The following SLIT1 variants were observed in gnomAD, a reference collection of about 807,000 sequenced individuals.
SLIT1 encodes slit homolog 1 protein.
A neutral mutation model predicts 186.1 loss-of-function variants in SLIT1; 66 were observed. The ratio of observed to expected loss-of-function variants is 0.35; its 90% CI spans 0.29 to 0.44. The LOEUF (loss-of-function observed/expected upper bound fraction) is 0.44. SLIT1 is among the 20% of genes least tolerant of loss of function. The probability of loss-of-function intolerance (pLI) is 1.00; values close to 1 mark genes in which losing one functional copy is unlikely to be tolerated. For missense variants in SLIT1, 1,638 were observed against 2,037.4 expected (o/e 0.80, Z 3.77); for synonymous variants, 761 against 833.8 (o/e 0.91, Z 1.50).
At chr10:97,034,347 C>T (rs773763759) in intron 23 of SLIT1, 124 bp downstream of exon 23, 9 of 749,256 alleles carry the variant, frequency 1.2e-5, no homozygotes, top group Non-Finnish European at 2.2e-5. Context: ...AGGCCCGGCA[C>T]CCTCTCCAGA....
intron 4 of SLIT1, among the ~76,000 whole-genome samples, chr10:97,139,178 TG>T (rs544216062): frequency 6.6e-6 from 1 of 152,326 alleles, no homozygotes; most frequent in South Asian, 2.1e-4. Flanking sequence ...GGCAGCAGGC[TG>T]GGGGCCATCT....
At position 97,087,692 on chromosome 10, in the gene SLIT1, G is replaced by C. The variant is rs111940933; in HGVS notation, c.414-21606C>G. On this transcript the variant is annotated intron_variant, in intron 4 of 36. Coordinates refer to ENST00000266058, the MANE Select transcript of SLIT1 (RefSeq NM_003061.3). ...TCTCGGCTCCTGTCCTGAGTATCTA[G>C]GGGGTAGTAACATCCCTAGATCTGA... Among the ~76,000 whole-genome samples the C allele has an allele frequency of 7.5e-4, 114 of 152,218 alleles. 1 individual carries two copies. Among genetic ancestry groups the C allele is most frequent in the African/African-American group, 2.7e-3 (111 of 41,530 alleles).
intron 3 of SLIT1, 34 bp downstream of exon 3, chr10:97,163,346 C>T (rs1850057490): frequency 1.3e-6 from 2 of 1,592,046 alleles, no homozygotes; most frequent in African/African-American, 1.3e-5. Context: ...TGCCAGCCCC[C>T]CGCCCTCCTG....
Position 97,065,137 on chromosome 10 carries a change from TACACACACACAC to T in SLIT1, c.486-273_486-262del, listed in dbSNP as rs55991572. 3.0e-3 allele frequency among the ~76,000 whole-genome samples: 446 copies of T among 150,834 alleles called. 5 individuals are homozygous for T. The highest frequency in any genetic ancestry group is 0.028 in the South Asian group (135 of 4,760). On this transcript the variant is annotated intron_variant, in intron 5 of 36. Coordinates refer to ENST00000266058, the MANE Select transcript of SLIT1 (RefSeq NM_003061.3). ...ATCCCCTGGGGAGCAGGCACCCCCC[TACACACACACAC>T]ACACACACACACACACACACATTTT...
intron 25 of SLIT1, among the ~76,000 whole-genome samples, chr10:97,026,716 T>C (rs1848549453): frequency 2.0e-5 from 3 of 152,066 alleles, no homozygotes; most frequent in Non-Finnish European, 4.4e-5. Context: ...TGGTGCATAG[T>C]AGATATTTGC....
At position 97,046,814 on chromosome 10, in the gene SLIT1, G is replaced by C. The variant is rs777103889; in HGVS notation, c.1710-17C>G. ...CTCAGATTGCTGGGAGAAGAGGCGG[G>C]GGGAGGATTACATATGGCCAGCAGC... On this transcript the variant is annotated splice_polypyrimidine_tract_variant and intron_variant, in intron 17 of 36. Transcript: ENST00000266058. 8 of 1,609,430 alleles carry C rather than the reference G, an allele frequency of 5.0e-6. No individual in the cohort carries two copies. The highest frequency in any genetic ancestry group is 5.1e-6 in the Non-Finnish European group (6 of 1,179,746).
rs931618614 is a variant in SLIT1, at chr10:97,037,669, T to C, written c.2366+29A>G. 2.5e-6 allele frequency: 4 copies of C among 1,583,876 alleles called. No homozygotes were observed. In the African/African-American group the frequency reaches 5.4e-5, roughly 21 times the overall value. On this transcript the variant is annotated intron_variant, in intron 22 of 36. Transcript: ENST00000266058. ...CCTGATGGTTAGATGCCAAAGGCCC[T>C]CCTGTCCTCAAGCGGCCTGGATACT...
intron 1 of SLIT1, among the ~76,000 whole-genome samples, chr10:97,180,683 C>T (rs1850324439): frequency 6.6e-6 from 1 of 152,228 alleles, no homozygotes; most frequent in Non-Finnish European, 1.5e-5. Flanking sequence ...GCCCTGCATA[C>T]AGTCCCCACT....
intron 22 of SLIT1, 120 bp downstream of exon 22, chr10:97,037,578 G>A: frequency 1.3e-6 from 1 of 752,320 alleles, no homozygotes; most frequent in Non-Finnish European, 2.3e-6. Flanking sequence ...AGGGGAGCAG[G>A]GAAAGGAAAA....
At chr10:97,001,595 A>AG (rs11465175) in intron 36 of SLIT1, among the ~76,000 whole-genome samples, 20,358 of 151,990 alleles carry the variant, frequency 0.13, 1,480 homozygotes, top group South Asian at 0.2. Flanking sequence ...TGCTGGAGGG[A>AG]GGGGGGGTCC....
chr10:97,008,203 C>A (rs1482397568), intron 31 of SLIT1, among the ~76,000 whole-genome samples: 2 of 151,930 alleles, frequency 1.3e-5, no homozygotes, highest in Admixed American at 1.3e-4. Flanking sequence ...GATTAATGCA[C>A]AAAAATCAAA....
chr10:97,072,908 T>A (rs1849012711), intron 4 of SLIT1, among the ~76,000 whole-genome samples: 1 of 152,154 alleles, frequency 6.6e-6, no homozygotes, highest in African/African-American at 2.4e-5. Context: ...GATTGTGAAT[T>A]GATGTACTTA....
At chr10:97,130,477 A>G (rs1849642831) in intron 4 of SLIT1, among the ~76,000 whole-genome samples, 1 of 152,232 alleles carries the variant, frequency 6.6e-6, no homozygotes, top group African/African-American at 2.4e-5. Flanking sequence ...ACTTGATGAC[A>G]TTATGCCTCG....
At chr10:97,094,340 CATCT>C (rs1180470778) in intron 4 of SLIT1, among the ~76,000 whole-genome samples, 1 of 152,234 alleles carries the variant, frequency 6.6e-6, no homozygotes, top group African/African-American at 2.4e-5. Flanking sequence ...TGCAAATCTA[CATCT>C]ATAATGAGAA....
chr10:97,110,681 G>A (rs1046353323), intron 4 of SLIT1, among the ~76,000 whole-genome samples: 1 of 152,232 alleles, frequency 6.6e-6, no homozygotes, highest in African/African-American at 2.4e-5. Context: ...AATCAAGGAA[G>A]TTATAAACAC....
intron 1 of SLIT1, among the ~76,000 whole-genome samples, chr10:97,165,618 A>G (rs919736385): frequency 1.4e-4 from 21 of 152,126 alleles, no homozygotes; most frequent in Non-Finnish European, 2.9e-5. Flanking sequence ...AGCAGGGCTG[A>G]GGGAAGGCAG....
chr10:97,005,790 G>A (rs778009996), intron 32 of SLIT1, among the ~76,000 whole-genome samples: 2 of 152,194 alleles, frequency 1.3e-5, no homozygotes, highest in Non-Finnish European at 2.9e-5. Flanking sequence ...TGTTTGAGAG[G>A]CTGAAGAGTT....
At chr10:97,066,608 C>A (rs1367112561) in intron 4 of SLIT1, among the ~76,000 whole-genome samples, 1 of 152,148 alleles carries the variant, frequency 6.6e-6, no homozygotes, top group Non-Finnish European at 1.5e-5. Flanking sequence ...TTCTCCCTCT[C>A]CTTCACTCTC....
At chr10:97,150,901 T>A (rs1284855858) in intron 4 of SLIT1, among the ~76,000 whole-genome samples, 1 of 152,160 alleles carries the variant, frequency 6.6e-6, no homozygotes, top group East Asian at 1.9e-4. Context: ...CCTGTGTATG[T>A]CCATGGAAAC....
Sources: allele counts gnomAD v4.1 joint callset (sites outside exome capture counted in the v4.1 genomes callset), GRCh38; gene constraint gnomAD v4.1.1; transcripts MANE v1.5; gene names NCBI Gene and HGNC (gene_info 2026-07-23, HGNC 2026-07-21).